MGAT4C: variants seen among roughly 807,000 people sequenced by gnomAD.
MGAT4C encodes the protein MGAT4 family member C.
In MGAT4C, 19 loss-of-function variants were observed where a neutral mutation model predicts 40.1. The ratio of observed to expected loss-of-function variants is 0.47; its 90% CI spans 0.33 to 0.70. MGAT4C has a LOEUF of 0.70. Among genes scored for constraint, MGAT4C ranks in the 30% least tolerant of loss-of-function variants. The pLI is 0.02. For synonymous variants in MGAT4C, 181 were observed against 187.1 expected (o/e 0.97, Z 0.27); for missense variants, 491 against 563.2 (o/e 0.87, Z 1.30).
chr12:86,029,938 C>CTTATTATT (rs1890590624), intron 2 of MGAT4C, among the ~76,000 whole-genome samples: 2 of 151,694 alleles, frequency 1.3e-5, no homozygotes, highest in Admixed American at 1.3e-4. Context: ...TAATAATAAA[C>CTTATTATT]ATTAAGTTTC....
rs547027999 is a variant in MGAT4C at position 85,993,325 on chromosome 12, G to A, written c.-6-3773C>T. ...GGGATGGGGAGGAGTTGGAAGAATG[G>A]CAGTGCCATTGGAGGACCAGTTGGA... is the stretch of plus-strand genomic sequence containing the variant. On this transcript the variant is annotated intron_variant, in intron 2 of 4. Transcript: ENST00000611864. Among the ~76,000 whole-genome samples, 3 of 152,326 alleles carry A rather than the reference G, an allele frequency of 2.0e-5. No homozygotes were observed. The South Asian group carries it at 6.2e-4, about 32-fold the overall frequency.
At chr12:86,454,717 CA>C (rs1957483404) in intron 2 of MGAT4C, among the ~76,000 whole-genome samples, 1 of 152,036 alleles carries the variant, frequency 6.6e-6, no homozygotes, top group African/African-American at 2.4e-5. Flanking sequence ...AAGCAAAGAG[CA>C]AATTCAATGA....
intron 1 of MGAT4C, among the ~76,000 whole-genome samples, chr12:86,778,871 T>A (rs1464714242): frequency 1.3e-5 from 2 of 151,716 alleles, no homozygotes; most frequent in African/African-American, 4.8e-5. Context: ...CGGTTCCATA[T>A]AAAACAAAAC....
At chr12:86,183,586 T>A (rs1160180592) in intron 1 of MGAT4C, among the ~76,000 whole-genome samples, 2 of 152,064 alleles carry the variant, frequency 1.3e-5, no homozygotes, top group Non-Finnish European at 2.9e-5. Flanking sequence ...AAGAACATCA[T>A]AAATTGAGTG....
intron 1 of MGAT4C, among the ~76,000 whole-genome samples, chr12:86,774,864 T>C (rs928551716): frequency 4.6e-5 from 7 of 152,150 alleles, no homozygotes. Context: ...GAGTACTTCA[T>C]TACATGATAA....
chr12:86,774,284 T>G (rs920216882), intron 1 of MGAT4C, among the ~76,000 whole-genome samples: 31 of 17,250 alleles, frequency 1.8e-3, no homozygotes, highest in Admixed American at 4.1e-3. Context: ...AGGCTTGCTC[T>G]TTCTTTCTTT....
At chr12:86,684,676 C>T (rs1448440779) in intron 2 of MGAT4C, among the ~76,000 whole-genome samples, 1 of 152,210 alleles carries the variant, frequency 6.6e-6, no homozygotes, top group African/African-American at 2.4e-5. Context: ...TATTTCTCCA[C>T]ATCCTCTCCA....
At chr12:86,703,280 G>C (rs570683716) in intron 2 of MGAT4C, among the ~76,000 whole-genome samples, 136 of 152,300 alleles carry the variant, frequency 8.9e-4, no homozygotes, top group Non-Finnish European at 1.6e-3. Flanking sequence ...ATAAAGCTGT[G>C]GCAGGATTGG....
chr12:86,173,347 G>A (rs1457695364), intron 1 of MGAT4C, among the ~76,000 whole-genome samples: 2 of 152,194 alleles, frequency 1.3e-5, no homozygotes, highest in East Asian at 3.9e-4. Flanking sequence ...ACTACATGAA[G>A]AGATATATAT....
At position 86,367,956 on chromosome 12, in the gene MGAT4C, G is replaced by A. The variant is rs1231028318; in HGVS notation, c.-119-33829C>T. Among the ~76,000 whole-genome samples, 6 of 152,154 alleles carry A rather than the reference G, an allele frequency of 3.9e-5. No homozygotes were observed. The South Asian group carries it at 1.0e-3, about 26-fold the overall frequency. ...TAAAATAAACCTATCCTTCACTGTCGAACCACCTTTCACATTTCTTTCCCC... is the reference window on the plus strand; with the variant it reads ...TAAAATAAACCTATCCTTCACTGTCAAACCACCTTTCACATTTCTTTCCCC... On this transcript the variant is annotated intron_variant, in intron 3 of 7. Coordinates refer to the MGAT4C transcript ENST00000548651.
intron 2 of MGAT4C, among the ~76,000 whole-genome samples, chr12:86,518,973 T>C (rs1958744590): frequency 6.6e-6 from 1 of 152,188 alleles, no homozygotes; most frequent in Non-Finnish European, 1.5e-5. Context: ...CTACCTTATA[T>C]GCCATTCTAG....
intron 1 of MGAT4C, among the ~76,000 whole-genome samples, chr12:86,253,974 G>A (rs1176733506): frequency 6.6e-6 from 1 of 152,000 alleles, no homozygotes; most frequent in African/African-American, 2.4e-5. Flanking sequence ...AGCATATGGA[G>A]TATGCAGAGA....
intron 2 of MGAT4C, among the ~76,000 whole-genome samples, chr12:86,663,482 A>G (rs1964030267): frequency 6.6e-6 from 1 of 152,160 alleles, no homozygotes; most frequent in African/African-American, 2.4e-5. Context: ...GTACGTGTGA[A>G]ACTTAGTCAT....
At chr12:86,180,115 G>A (rs1380376062) in intron 1 of MGAT4C, among the ~76,000 whole-genome samples, 1 of 152,226 alleles carries the variant, frequency 6.6e-6, no homozygotes. Flanking sequence ...ATGGCTGAAA[G>A]GGGCCAATGT....
intron 1 of MGAT4C, among the ~76,000 whole-genome samples, chr12:86,117,006 A>C (rs1417988571): frequency 6.6e-6 from 1 of 152,088 alleles, no homozygotes; most frequent in Non-Finnish European, 1.5e-5. Context: ...ATTAATGGTA[A>C]ATTATTTATT....
At chr12:86,285,815 T>A (rs1475919983) in intron 4 of MGAT4C, among the ~76,000 whole-genome samples, 2 of 152,020 alleles carry the variant, frequency 1.3e-5, no homozygotes, top group Non-Finnish European at 2.9e-5. Context: ...ATAAATCTTA[T>A]GTATGTAATA....
At chr12:86,012,744 C>A (rs1278097898) in intron 2 of MGAT4C, among the ~76,000 whole-genome samples, 1 of 145,298 alleles carries the variant, frequency 6.9e-6, no homozygotes, top group African/African-American at 2.6e-5. Context: ...AAGAGAGAAA[C>A]TCCGTCTCAA....
intron 2 of MGAT4C, among the ~76,000 whole-genome samples, chr12:86,515,451 A>T (rs988701702): frequency 8.5e-5 from 13 of 152,218 alleles, no homozygotes; most frequent in African/African-American, 3.1e-4. Flanking sequence ...ATACAAAATC[A>T]ACTTACAGAA....
intron 2 of MGAT4C, among the ~76,000 whole-genome samples, chr12:86,554,252 T>C (rs1033492223): frequency 6.6e-6 from 1 of 152,150 alleles, no homozygotes; most frequent in Non-Finnish European, 1.5e-5. Context: ...CCACTGATCT[T>C]TAGTTCACCA....
Sources: allele counts gnomAD v4.1 joint callset (sites outside exome capture counted in the v4.1 genomes callset), GRCh38; gene constraint gnomAD v4.1.1; transcripts MANE v1.5; gene names NCBI Gene and HGNC (gene_info 2026-07-23, HGNC 2026-07-21).